Variants in NHSL1 observed in about 807,000 individuals in gnomAD.
The protein encoded by NHSL1 is NHS like 1, also known as NHS-like protein 1.
In NHSL1, 48 loss-of-function variants were observed where a neutral mutation model predicts 95.0. The observed-to-expected ratio is 0.51, with a 90% CI of 0.40 to 0.64. NHSL1 has a LOEUF of 0.64. NHSL1 is among the 30% of genes least tolerant of loss of function. The pLI is 0.00. For synonymous variants in NHSL1, 783 were observed against 833.9 expected (o/e 0.94, Z 1.05); for missense variants, 1,971 against 2,077.7 (o/e 0.95, Z 1.00).
At chr6:138,482,663 AGAAT>A (rs886300980) in intron 2 of NHSL1, among the ~76,000 whole-genome samples, 3 of 152,184 alleles carry the variant, frequency 2.0e-5, no homozygotes, top group Non-Finnish European at 4.4e-5. Flanking sequence ...GAGAAAACAC[AGAAT>A]GAATACACAG....
At chr6:138,599,505 C>A (rs1340168323) in intron 1 of NHSL1, among the ~76,000 whole-genome samples, 1 of 151,466 alleles carries the variant, frequency 6.6e-6, no homozygotes, top group Non-Finnish European at 1.5e-5. Context: ...CAGCAAGTCT[C>A]CGTCTCAAAA....
At chr6:138,520,586 A>C (rs1161349777) in intron 1 of NHSL1, among the ~76,000 whole-genome samples, 1 of 152,038 alleles carries the variant, frequency 6.6e-6, no homozygotes, top group Non-Finnish European at 1.5e-5. Context: ...CACTGCGCCC[A>C]GCAGTTTAAT....
At position 138,431,186 on chromosome 6, in the gene NHSL1, C is replaced by A; in HGVS notation, c.3159G>T (p.Pro1053=). 6.5e-7 allele frequency: 1 copy of A among 1,546,704 alleles called. No individual in the cohort carries two copies. Among genetic ancestry groups the A allele is most frequent in the Non-Finnish European group, 8.7e-7 (1 of 1,143,614 alleles). Residue 1053 remains proline (P), a synonymous_variant, in exon 6 of 8, where the codon CCG becomes CCT. Transcript: ENST00000343505. The surrounding 1 kb of genome is among the most constrained non-coding windows in gnomAD (Gnocchi z 4.0). ...QPESSRGSLR[P]PSTKEETSRP... ...TGCTGGTCTCCTCCTTGGTAGAAGGCGGCCTCAAGGATCCCCGGGAGGATT... is the reference window on the plus strand; with the variant it reads ...TGCTGGTCTCCTCCTTGGTAGAAGGAGGCCTCAAGGATCCCCGGGAGGATT...
At chr6:138,519,282 A>T (rs1419339405) in intron 1 of NHSL1, among the ~76,000 whole-genome samples, 1 of 152,134 alleles carries the variant, frequency 6.6e-6, no homozygotes, top group Non-Finnish European at 1.5e-5. Context: ...AATCTTCAAA[A>T]AAAAATCTGC....
intron 1 of NHSL1, among the ~76,000 whole-genome samples, chr6:138,540,235 T>A (rs1314415369): frequency 6.6e-6 from 1 of 152,242 alleles, no homozygotes; most frequent in Non-Finnish European, 1.5e-5. Flanking sequence ...AAGCCACTGA[T>A]AATTTATATA....
At chr6:138,665,599 T>C (rs1386715958) in intron 1 of NHSL1, among the ~76,000 whole-genome samples, 1 of 152,234 alleles carries the variant, frequency 6.6e-6, no homozygotes, top group Non-Finnish European at 1.5e-5. Context: ...GAATGAATGT[T>C]GAACACAATA....
In NHSL1 at chr6:138,424,182, A is replaced by G; in HGVS notation, c.4720T>C (p.Ser1574Pro). 1 of 1,466,202 alleles carries G rather than the reference A, an allele frequency of 6.8e-7. No homozygotes were observed. Among genetic ancestry groups the G allele is most frequent in the Non-Finnish European group, 9.0e-7 (1 of 1,111,704 alleles). The allele number at this position is 1,466,202 out of a possible 1,614,324, so 90.8% of individuals were successfully genotyped here. The part of the protein sequence containing the change: ...GLLCGEGPAA[S>P]LQPQAPGPVD... Reference sequence around the variant, plus strand: ...GGGCCGGGGGCCTGGGGCTGCAGGGAGGCGGCAGGCCCCTCCCCACAGAGC... The same window carrying G: ...GGGCCGGGGGCCTGGGGCTGCAGGGGGGCGGCAGGCCCCTCCCCACAGAGC... Residue 1574 changes from serine (S) to proline (P), a missense_variant, in exon 8 of 8, where the codon TCC (serine) becomes CCC (proline). Transcript: ENST00000343505. This position sits in a 1 kb window ranked among gnomAD's most constrained non-coding sequence, Gnocchi z 5.9.
chr6:138,686,886 A>C (rs903367049), intron 1 of NHSL1, among the ~76,000 whole-genome samples: 1 of 152,174 alleles, frequency 6.6e-6, no homozygotes, highest in African/African-American at 2.4e-5. Flanking sequence ...AATTTTAACG[A>C]AAGTTCCAAG....
chr6:138,456,484 C>T (rs534187140), intron 3 of NHSL1, among the ~76,000 whole-genome samples: 2 of 152,286 alleles, frequency 1.3e-5, no homozygotes, highest in Admixed American at 6.5e-5. Context: ...AGGGAAATTT[C>T]GATTTCTGTC....
chr6:138,459,155 T>C (rs900097393), intron 3 of NHSL1, among the ~76,000 whole-genome samples: 8 of 151,972 alleles, frequency 5.3e-5, no homozygotes, highest in African/African-American at 1.9e-4. Context: ...GCCCAGCTGA[T>C]TTTTGTATTT....
intron 1 of NHSL1, among the ~76,000 whole-genome samples, chr6:138,619,035 T>C (rs531496846): frequency 8.4e-4 from 128 of 152,128 alleles, no homozygotes; most frequent in Non-Finnish European, 1.6e-3. Flanking sequence ...ACAGGTAACT[T>C]AAAATAAAAT....
chr6:138,545,685 C>T (rs1213094248), exon 1 of NHSL1: 2 of 1,288,620 alleles, frequency 1.6e-6, no homozygotes, highest in African/African-American at 3.0e-5. Context: ...TCTGATGAAG[C>T]CTGCAGTGCT....
At chr6:138,453,692 A>G (rs1467958779) in intron 3 of NHSL1, among the ~76,000 whole-genome samples, 2 of 151,568 alleles carry the variant, frequency 1.3e-5, no homozygotes, top group Non-Finnish European at 1.5e-5. Flanking sequence ...GATGACCGGC[A>G]CAAGCCACCA....
intron 1 of NHSL1, among the ~76,000 whole-genome samples, chr6:138,605,797 G>A (rs912163853): frequency 1.3e-5 from 2 of 152,190 alleles, no homozygotes; most frequent in Non-Finnish European, 2.9e-5. Context: ...TCTGCTGAAG[G>A]GAACTACTTG....
chr6:138,571,683 G>A, intron 1 of NHSL1: 1 of 1,546,360 alleles, frequency 6.5e-7, no homozygotes, highest in Non-Finnish European at 8.7e-7. Context: ...TTTTTCAAAT[G>A]TTTAAATTTT....
intron 1 of NHSL1, among the ~76,000 whole-genome samples, chr6:138,610,097 C>T (rs1464552165): frequency 6.6e-6 from 1 of 152,188 alleles, no homozygotes; most frequent in Non-Finnish European, 1.5e-5. Context: ...TGGCTGTTTG[C>T]TCCCACAGGG....
intron 1 of NHSL1, among the ~76,000 whole-genome samples, chr6:138,664,039 C>T (rs919513916): frequency 3.3e-5 from 5 of 152,168 alleles, no homozygotes; most frequent in African/African-American, 1.2e-4. Context: ...TGGGCAAAGT[C>T]AAGTCTGGAT....
Position 138,432,177 on chromosome 6 carries a change from C to T in NHSL1, c.2168G>A (p.Ser723Asn). ...PGKSGSSPSQ[S>N]PCSDLEEPWL... Reference sequence around the variant, plus strand: ...GGGCTCTTCCAAGTCACTGCAGGGGCTCTGGGAGGGCGAGCTGCCACTCTT... The same window carrying T: ...GGGCTCTTCCAAGTCACTGCAGGGGTTCTGGGAGGGCGAGCTGCCACTCTT... Residue 723 changes from serine to asparagine, a missense_variant, in exon 6 of 8, where the codon AGC (serine) becomes AAC (asparagine). Ser to Asn is a conservative substitution (Grantham distance 46, BLOSUM62 1). This residue lies in a region of NHSL1 where 1,602 missense variants were observed against 1,654.5 expected (regional missense o/e 0.97). Transcript: ENST00000343505. The surrounding 1 kb of genome is among the most constrained non-coding windows in gnomAD (Gnocchi z 4.4). 6.5e-7 allele frequency: 1 copy of T among 1,547,042 alleles called. No homozygotes were observed. Among genetic ancestry groups the T allele is most frequent in the Non-Finnish European group, 8.7e-7 (1 of 1,144,398 alleles).
intron 1 of NHSL1, among the ~76,000 whole-genome samples, chr6:138,665,039 C>T (rs1279942893): frequency 1.3e-5 from 2 of 152,228 alleles, no homozygotes; most frequent in East Asian, 1.9e-4. Flanking sequence ...CAAGTAGACA[C>T]ATCATATTAA....
Sources: gnomAD v4.1 joint callset for allele counts (sites outside exome capture counted in the v4.1 genomes callset) on GRCh38, gnomAD v4.1.1 for gene constraint, gnomAD v4.1.1 regional missense constraint, Gnocchi (gnomAD v3.1) non-coding constraint, MANE v1.5 for transcripts, NCBI Gene and HGNC (gene_info 2026-07-23, HGNC 2026-07-21) for gene names.